LHFPL3: variants seen among roughly 807,000 people sequenced by gnomAD.
LHFPL3 encodes LHFPL tetraspan subfamily member 3 protein.
Under a neutral mutation model 19.3 loss-of-function variants are expected in LHFPL3, and 5 were observed. That is an observed-to-expected ratio of 0.26 (90% CI 0.14 to 0.54). The LOEUF is 0.54. Among genes scored for constraint, LHFPL3 ranks in the 20% least tolerant of loss-of-function variants. LHFPL3 has a pLI of 0.94. For synonymous variants in LHFPL3, 133 were observed against 126.2 expected, an observed-to-expected ratio of 1.05 and a Z score of -0.36; for missense variants, 249 against 307.4, an observed-to-expected ratio of 0.81 and a Z score of 1.42.
Position 104,385,385 on chromosome 7 carries a change from C to T in LHFPL3, c.445+56161C>T, listed in dbSNP as rs922296858. 4.0e-5 allele frequency among the ~76,000 whole-genome samples: 5 copies of T among 124,226 alleles called. No homozygotes were observed. The South Asian group carries it at 1.3e-3, about 33-fold the overall frequency. 81.5% of individuals were successfully genotyped at this position (124,226 alleles called of 152,430 possible). Reference sequence around the variant, plus strand: ...ATTCTTATTGTAAATTAATATATGGCATTCTGATTGATATCTGAGCAGAGT... The same window carrying T: ...ATTCTTATTGTAAATTAATATATGGTATTCTGATTGATATCTGAGCAGAGT... On this transcript the variant is annotated intron_variant, in intron 1 of 2. Coordinates refer to ENST00000424859, the MANE Select transcript of LHFPL3 (RefSeq NM_199000.3).
chr7:104,618,070 C>G (rs1791381573), intron 1 of LHFPL3, among the ~76,000 whole-genome samples: 1 of 152,144 alleles, frequency 6.6e-6, no homozygotes, highest in African/African-American at 2.4e-5. Flanking sequence ...GCGTTGCCCT[C>G]CAGACCAGAA....
chr7:104,626,041 A>T (rs1358650550), intron 1 of LHFPL3, among the ~76,000 whole-genome samples: 1 of 152,252 alleles, frequency 6.6e-6, no homozygotes, highest in African/African-American at 2.4e-5. Flanking sequence ...AGTAAGAATA[A>T]ACAACACAAA....
intron 2 of LHFPL3, among the ~76,000 whole-genome samples, chr7:104,833,036 T>TATATCTATTATATATAATAG (rs758038751): frequency 0.02 from 30 of 1,472 alleles, no homozygotes; most frequent in African/African-American, 0.034. Flanking sequence ...ATATATTATA[T>TATATCTATTATATATAATAG]ATATATATTA....
At chr7:104,559,545 T>G (rs1789938645) in intron 1 of LHFPL3, among the ~76,000 whole-genome samples, 2 of 151,648 alleles carry the variant, frequency 1.3e-5, no homozygotes, top group Admixed American at 1.3e-4. Context: ...CCTGAGACTT[T>G]GCTGAAGTTG....
In LHFPL3 at chr7:104,524,666, A is replaced by C. The variant is rs561723023; in HGVS notation, c.445+195442A>C. Among the ~76,000 whole-genome samples the C allele has an allele frequency of 6.8e-4, 104 of 152,316 alleles. 4 individuals carry two copies. The highest frequency in any genetic ancestry group is 5.2e-3 in the Admixed American group (79 of 15,292). On this transcript the variant is annotated intron_variant, in intron 1 of 2. Transcript: ENST00000424859. ...TATAAAATCTTATCCACAAAAAAGA[A>C]GTGTGATTTAATTTTGGAGCACTAA...
chr7:104,550,052 C>A (rs1428926076), intron 1 of LHFPL3, among the ~76,000 whole-genome samples: 1 of 152,116 alleles, frequency 6.6e-6, no homozygotes, highest in East Asian at 1.9e-4. Context: ...GACGAGCCAG[C>A]AGACAAGAGA....
rs376430583 is a variant in LHFPL3 at position 104,708,076 on chromosome 7, G to A, written c.446-28599G>A. ...TTTCCCCTTGAACTATTTTCCCCTT[G>A]CTTTCAAAGGCCAGCTTGTAGGGCT... On this transcript the variant is annotated intron_variant, in intron 1 of 2. Transcript: ENST00000424859. Among the ~76,000 whole-genome samples, 279 of 152,282 alleles carry A rather than the reference G, an allele frequency of 1.8e-3. 3 individuals carry two copies. Among genetic ancestry groups the A allele is most frequent in the African/African-American group, 6.1e-3 (253 of 41,558 alleles).
intron 1 of LHFPL3, among the ~76,000 whole-genome samples, chr7:104,708,780 G>A (rs1295964117): frequency 6.6e-6 from 1 of 152,062 alleles, no homozygotes; most frequent in Non-Finnish European, 1.5e-5. Context: ...TAAATTATAT[G>A]TTGTTACACT....
intron 1 of LHFPL3, among the ~76,000 whole-genome samples, chr7:104,503,886 G>C (rs1420043048): frequency 6.6e-6 from 1 of 152,050 alleles, no homozygotes; most frequent in Non-Finnish European, 1.5e-5. Context: ...TTTTTCTTAA[G>C]TCCACCCAAC....
At chr7:104,594,828 T>A (rs1790807253) in intron 1 of LHFPL3, among the ~76,000 whole-genome samples, 1 of 152,226 alleles carries the variant, frequency 6.6e-6, no homozygotes, top group Non-Finnish European at 1.5e-5. Context: ...CTTGATCAAA[T>A]CAGCTATTGA....
chr7:104,899,404 A>G (rs941167415), intron 2 of LHFPL3, among the ~76,000 whole-genome samples: 1 of 152,050 alleles, frequency 6.6e-6, no homozygotes, highest in African/African-American at 2.4e-5. Flanking sequence ...ATTATCAAGG[A>G]AGGCCAATTG....
intron 1 of LHFPL3, among the ~76,000 whole-genome samples, chr7:104,502,626 C>T (rs1396685117): frequency 1.3e-5 from 2 of 152,026 alleles, no homozygotes; most frequent in Non-Finnish European, 2.9e-5. Flanking sequence ...TTCTACCTGC[C>T]CCCCATCACA....
chr7:104,717,138 C>G (rs1180053182), intron 1 of LHFPL3, among the ~76,000 whole-genome samples: 2 of 152,036 alleles, frequency 1.3e-5, no homozygotes, highest in Non-Finnish European at 2.9e-5. Context: ...TATCTTACAC[C>G]ACACACAAAA....
intron 1 of LHFPL3, among the ~76,000 whole-genome samples, chr7:104,633,537 A>C (rs1399544116): frequency 6.6e-6 from 1 of 152,192 alleles, no homozygotes; most frequent in African/African-American, 2.4e-5. Flanking sequence ...AGCCAGGAAT[A>C]ATTTTGTTTC....
chr7:104,485,978 C>T (rs1411453929), intron 1 of LHFPL3, among the ~76,000 whole-genome samples: 1 of 152,204 alleles, frequency 6.6e-6, no homozygotes, highest in Non-Finnish European at 1.5e-5. Context: ...GTCAGGTAAA[C>T]GTCTTCAGTA....
chr7:104,850,296 C>T (rs1791393224), intron 2 of LHFPL3, among the ~76,000 whole-genome samples: 1 of 152,184 alleles, frequency 6.6e-6, no homozygotes, highest in Non-Finnish European at 1.5e-5. Context: ...GAGTGAAACT[C>T]CGTCACAAAA....
At chr7:104,690,090 T>G (rs953639857) in intron 1 of LHFPL3, among the ~76,000 whole-genome samples, 1 of 152,386 alleles carries the variant, frequency 6.6e-6, no homozygotes. Context: ...ACTTAAAAGA[T>G]GCAGGGGTGG....
At chr7:104,846,342 T>C (rs1791312280) in intron 2 of LHFPL3, among the ~76,000 whole-genome samples, 1 of 152,206 alleles carries the variant, frequency 6.6e-6, no homozygotes, top group South Asian at 2.1e-4. Flanking sequence ...CTGAAGTTTC[T>C]GTTGTGTGTT....
intron 2 of LHFPL3, among the ~76,000 whole-genome samples, chr7:104,741,908 G>T (rs1793944107): frequency 6.6e-6 from 1 of 152,172 alleles, no homozygotes; most frequent in South Asian, 2.1e-4. Flanking sequence ...TGAATTTGGG[G>T]AGCAGCTCTA....
Sources: allele counts gnomAD v4.1 joint callset (sites outside exome capture counted in the v4.1 genomes callset), GRCh38; gene constraint gnomAD v4.1.1; transcripts MANE v1.5; gene names NCBI Gene and HGNC (gene_info 2026-07-23, HGNC 2026-07-21).